Variants in CTNNA2 observed in about 807,000 individuals in gnomAD.
CTNNA2 encodes the protein catenin alpha 2, also known as catenin alpha-2.
Under a neutral mutation model 101.0 loss-of-function variants are expected in CTNNA2, and 42 were observed. The observed-to-expected ratio is 0.42, with a 90% CI of 0.32 to 0.54. The LOEUF (loss-of-function observed/expected upper bound fraction) is 0.54, where lower values mean the gene tolerates loss of function less well. Among genes scored for constraint, CTNNA2 ranks in the 20% least tolerant of loss-of-function variants. The pLI, the probability that CTNNA2 is intolerant of heterozygous loss-of-function variation, is 0.14. For synonymous variants in CTNNA2, 450 were observed against 456.4 expected (o/e 0.99, Z 0.18); for missense variants, 871 against 1,223.1 (o/e 0.71, Z 4.29).
At chr2:80,207,552 C>G (rs1030393898) in intron 7 of CTNNA2, among the ~76,000 whole-genome samples, 1 of 152,150 alleles carries the variant, frequency 6.6e-6, no homozygotes, top group South Asian at 2.1e-4. Flanking sequence ...AGTGTGGAGA[C>G]AGATGAGGAA....
chr2:79,437,125 T>C (rs1678724979), intron 4 of CTNNA2, among the ~76,000 whole-genome samples: 1 of 151,848 alleles, frequency 6.6e-6, no homozygotes. Flanking sequence ...TCCCAGTTAC[T>C]TGGGAGGCTG....
At chr2:80,597,982 C>A (rs1209321406) in intron 15 of CTNNA2, among the ~76,000 whole-genome samples, 2 of 152,110 alleles carry the variant, frequency 1.3e-5, no homozygotes, top group Non-Finnish European at 2.9e-5. Flanking sequence ...ATAAATCATT[C>A]TACTACAAAG....
intron 7 of CTNNA2, among the ~76,000 whole-genome samples, chr2:80,344,276 G>A (rs535122148): frequency 1.3e-5 from 2 of 152,030 alleles, no homozygotes; most frequent in East Asian, 3.9e-4. Context: ...TAACTCTGGA[G>A]GGCTTCCTAC....
chr2:80,213,011 A>G (rs1447301832), intron 7 of CTNNA2, among the ~76,000 whole-genome samples: 1 of 152,098 alleles, frequency 6.6e-6, no homozygotes, highest in Admixed American at 6.6e-5. Context: ...AGAGGTGTTT[A>G]TAGTATTCTC....
intron 18 of CTNNA2, among the ~76,000 whole-genome samples, chr2:80,646,339 A>T (rs1450580087): frequency 1.3e-5 from 2 of 152,136 alleles, no homozygotes; most frequent in Non-Finnish European, 2.9e-5. Flanking sequence ...TGTAATTGAT[A>T]TATCTCATTA....
At position 79,499,742 on chromosome 2, in the gene CTNNA2, T is replaced by C. The variant is rs527464835; in HGVS notation, c.-134-5312T>C. 1.8e-4 allele frequency among the ~76,000 whole-genome samples: 27 copies of C among 152,354 alleles called. No homozygotes were observed. The South Asian group carries it at 5.6e-3, about 32-fold the overall frequency. On this transcript the variant is annotated intron_variant, in intron 4 of 21. Transcript: ENST00000466387. The stretch of plus-strand genomic sequence containing the variant: ...TTCTTAGGACCTTGACATTTGCTAC[T>C]GCATAGGCCCAGAATGCTCCTACAT...
At chr2:79,238,227 G>GGA (rs542027318) in intron 2 of CTNNA2, among the ~76,000 whole-genome samples, 80 of 152,168 alleles carry the variant, frequency 5.3e-4, no homozygotes, top group African/African-American at 1.8e-3. Flanking sequence ...AGGCCAAAGG[G>GGA]GAGAGAGAGA....
intron 9 of CTNNA2, among the ~76,000 whole-genome samples, chr2:80,498,598 C>T (rs1687643284): frequency 6.6e-6 from 1 of 152,152 alleles, no homozygotes; most frequent in African/African-American, 2.4e-5. Flanking sequence ...AAAAGATCAT[C>T]CAGTAAAAAT....
At chr2:79,356,083 G>A (rs1677502759) in intron 3 of CTNNA2, among the ~76,000 whole-genome samples, 1 of 151,132 alleles carries the variant, frequency 6.6e-6, no homozygotes, top group Admixed American at 6.6e-5. Context: ...TATAAATATG[G>A]AAATATATAT....
At chr2:80,212,916 T>G (rs1707997699) in intron 7 of CTNNA2, among the ~76,000 whole-genome samples, 1 of 152,214 alleles carries the variant, frequency 6.6e-6, no homozygotes, top group Admixed American at 6.5e-5. Flanking sequence ...ATTCAGGGAT[T>G]CAACTTCTTC....
At chr2:79,896,760 G>A (rs541310544) in intron 6 of CTNNA2, among the ~76,000 whole-genome samples, 10 of 152,212 alleles carry the variant, frequency 6.6e-5, no homozygotes, top group Non-Finnish European at 1.3e-4. Flanking sequence ...GAATTAAAGA[G>A]GAAAGTTTTG....
chr2:79,351,979 G>T (rs529366536), intron 3 of CTNNA2, among the ~76,000 whole-genome samples: 2 of 152,230 alleles, frequency 1.3e-5, no homozygotes, highest in African/African-American at 4.8e-5. Flanking sequence ...TCAACTCTCA[G>T]TTCTTTGAGA....
At chr2:80,065,034 G>A (rs1381882530) in intron 7 of CTNNA2, among the ~76,000 whole-genome samples, 1 of 152,148 alleles carries the variant, frequency 6.6e-6, no homozygotes, top group Non-Finnish European at 1.5e-5. Flanking sequence ...TATCCTCCAA[G>A]TAAAAACCCT....
chr2:79,767,948 G>A (rs1189671382), intron 3 of CTNNA2, among the ~76,000 whole-genome samples: 1 of 151,770 alleles, frequency 6.6e-6, no homozygotes, highest in Non-Finnish European at 1.5e-5. Context: ...CAGCTAGTAT[G>A]TCAGTATGTC....
At chr2:80,577,453 C>G (rs908131435) in intron 13 of CTNNA2, among the ~76,000 whole-genome samples, 1 of 152,082 alleles carries the variant, frequency 6.6e-6, no homozygotes, top group Non-Finnish European at 1.5e-5. Context: ...GAGCCAGGAA[C>G]TTGACCTAGA....
chr2:79,489,776 A>T (rs1671191839), intron 4 of CTNNA2, among the ~76,000 whole-genome samples: 1 of 152,178 alleles, frequency 6.6e-6, no homozygotes, highest in South Asian at 2.1e-4. Flanking sequence ...GTATAACGCA[A>T]TTTCTCAATA....
chr2:80,076,700 A>G (rs1698780332), intron 7 of CTNNA2, among the ~76,000 whole-genome samples: 1 of 151,796 alleles, frequency 6.6e-6, no homozygotes, highest in Non-Finnish European at 1.5e-5. Context: ...AAATAATTTT[A>G]TAAGCCTTAT....
rs535629850 is a variant in CTNNA2, at chr2:79,968,605, G to A, written c.1056+58808G>A. 1.2e-4 allele frequency among the ~76,000 whole-genome samples: 19 copies of A among 152,140 alleles called. No homozygotes were observed. In the East Asian group the frequency reaches 2.3e-3, roughly 19 times the overall value. On this transcript the variant is annotated intron_variant, in intron 7 of 18. Transcript: ENST00000402739. ...GAGGATCAGTTGAGGCCAGGAGTTC[G>A]AGACCAGCCTGGGCAATATTGTAAG...
intron 7 of CTNNA2, among the ~76,000 whole-genome samples, chr2:79,973,597 T>G (rs1690639388): frequency 6.6e-6 from 1 of 152,146 alleles, no homozygotes; most frequent in South Asian, 2.1e-4. Flanking sequence ...TCCTAAGGTG[T>G]GTCAACCTAA....
Sources: gnomAD v4.1 joint callset for allele counts (sites outside exome capture counted in the v4.1 genomes callset) on GRCh38, gnomAD v4.1.1 for gene constraint, MANE v1.5 for transcripts, NCBI Gene and HGNC (gene_info 2026-07-23, HGNC 2026-07-21) for gene names.